Variants in EXOC4 observed in about 807,000 individuals in gnomAD.
EXOC4 encodes the protein exocyst complex component 4.
In EXOC4, 71 loss-of-function variants were observed where a neutral mutation model predicts 107.2. The observed-to-expected ratio is 0.66, with a 90% CI of 0.55 to 0.81. The LOEUF is 0.81. EXOC4 is among the 30% of genes least tolerant of loss of function. EXOC4 has a pLI of 0.00. For synonymous variants in EXOC4, 456 were observed against 441.2 expected (o/e 1.03, Z -0.42); for missense variants, 1,108 against 1,189.6 (o/e 0.93, Z 1.01).
At chr7:133,830,100 C>T (rs1797778392) in intron 11 of EXOC4, among the ~76,000 whole-genome samples, 1 of 152,194 alleles carries the variant, frequency 6.6e-6, no homozygotes, top group African/African-American at 2.4e-5. Flanking sequence ...CAGATAACTA[C>T]ACTTAAATGA....
chr7:133,848,758 C>T (rs899587672), intron 11 of EXOC4, among the ~76,000 whole-genome samples: 1 of 151,564 alleles, frequency 6.6e-6, no homozygotes, highest in Non-Finnish European at 1.5e-5. Context: ...TTGTCTGGAC[C>T]ATCATTTAAA....
intron 4 of EXOC4, among the ~76,000 whole-genome samples, chr7:133,316,567 T>G (rs1272149520): frequency 6.6e-6 from 1 of 152,220 alleles, no homozygotes; most frequent in Non-Finnish European, 1.5e-5. Context: ...AATTTTGTTT[T>G]TTATAGTTTT....
At chr7:133,702,238 A>T (rs150990940) in intron 10 of EXOC4, among the ~76,000 whole-genome samples, 3 of 150,384 alleles carry the variant, frequency 2.0e-5, no homozygotes, top group Admixed American at 1.3e-4. Context: ...TGTTCGGGGT[A>T]TCTAAGCAGC....
rs1430882317 is a variant in EXOC4, at chr7:133,724,486, G to A, written c.1515-92839G>A. On this transcript the variant is annotated intron_variant, in intron 10 of 17. Transcript: ENST00000253861. ...TTATTTTTTTCAACAGATATTTATT[G>A]AGCATCTACTGTGTACATTATATTG... 2.6e-5 allele frequency among the ~76,000 whole-genome samples: 4 copies of A among 152,056 alleles called. No individual in the cohort carries two copies. The East Asian group carries it at 7.7e-4, about 29-fold the overall frequency.
intron 9 of EXOC4, among the ~76,000 whole-genome samples, chr7:133,599,572 T>A (rs1205923319): frequency 6.6e-6 from 1 of 152,228 alleles, no homozygotes; most frequent in Non-Finnish European, 1.5e-5. Flanking sequence ...TATCATTGCC[T>A]CTTTGATGAC....
chr7:133,787,819 C>G (rs964153886), intron 10 of EXOC4, among the ~76,000 whole-genome samples: 3 of 150,906 alleles, frequency 2.0e-5, no homozygotes, highest in Middle Eastern at 3.2e-3. Context: ...TACTCTCACA[C>G]TGGGGGTTTG....
At chr7:133,667,505 A>T (rs1407348087) in intron 10 of EXOC4, among the ~76,000 whole-genome samples, 1 of 152,214 alleles carries the variant, frequency 6.6e-6, no homozygotes, top group Non-Finnish European at 1.5e-5. Flanking sequence ...GCTGGGAAGC[A>T]TTAGCTAATG....
At chr7:133,909,456 A>C (rs1042474729) in intron 12 of EXOC4, among the ~76,000 whole-genome samples, 4 of 152,226 alleles carry the variant, frequency 2.6e-5, no homozygotes, top group African/African-American at 9.6e-5. Flanking sequence ...AGAAGGAGCC[A>C]TGTGGAAATG....
chr7:133,685,743 T>G (rs749925933), intron 10 of EXOC4, among the ~76,000 whole-genome samples: 7 of 152,136 alleles, frequency 4.6e-5, no homozygotes, highest in Non-Finnish European at 1.0e-4. Context: ...ATTTAAAAAT[T>G]TCTATAAATT....
chr7:133,485,543 C>G (rs984950603), intron 9 of EXOC4, among the ~76,000 whole-genome samples: 1 of 151,998 alleles, frequency 6.6e-6, no homozygotes, highest in African/African-American at 2.4e-5. Context: ...TTCTAGCATC[C>G]CGTCTCCCTA....
intron 10 of EXOC4, among the ~76,000 whole-genome samples, chr7:133,637,817 A>G (rs981982576): frequency 5.3e-5 from 8 of 152,120 alleles, no homozygotes; most frequent in Non-Finnish European, 7.4e-5. Flanking sequence ...ATTTCATTCT[A>G]AACTTTTTTT....
chr7:133,365,020 C>T (rs1157659611), intron 6 of EXOC4, among the ~76,000 whole-genome samples: 1 of 152,104 alleles, frequency 6.6e-6, no homozygotes, highest in Non-Finnish European at 1.5e-5. Flanking sequence ...ACTAAATATC[C>T]ATTTTCCTGC....
chr7:133,361,503 A>C (rs1054265108), intron 6 of EXOC4, among the ~76,000 whole-genome samples: 1 of 152,136 alleles, frequency 6.6e-6, no homozygotes, highest in African/African-American at 2.4e-5. Flanking sequence ...GATGGTCTCC[A>C]TCTCCTGACC....
At chr7:133,295,133 C>T (rs1283994912) in intron 3 of EXOC4, among the ~76,000 whole-genome samples, 1 of 151,954 alleles carries the variant, frequency 6.6e-6, no homozygotes, top group Non-Finnish European at 1.5e-5. Flanking sequence ...TCAAAAACTG[C>T]CTTTGAGGTG....
At position 133,779,961 on chromosome 7, in the gene EXOC4, G is replaced by A. The variant is rs192835538; in HGVS notation, c.1515-37364G>A. ...CTTTAAGAGCTGTAACACTCACCAC[G>A]AAGGTTGGCAGCTCCATTCTTTAAG... On this transcript the variant is annotated intron_variant, in intron 10 of 17. Coordinates refer to ENST00000253861, the MANE Select transcript of EXOC4 (RefSeq NM_021807.4). Among the ~76,000 whole-genome samples the A allele has an allele frequency of 5.6e-4, 86 of 152,222 alleles. 1 individual carries two copies. The highest frequency in any genetic ancestry group is 3.1e-3 in the Admixed American group (48 of 15,288).
intron 9 of EXOC4, among the ~76,000 whole-genome samples, chr7:133,512,015 T>C (rs1464492314): frequency 1.3e-5 from 2 of 152,190 alleles, no homozygotes; most frequent in Non-Finnish European, 2.9e-5. Flanking sequence ...CAGATGTCGA[T>C]GAGACAAAAT....
the EXOC4 span, among the ~76,000 whole-genome samples, chr7:134,084,040 C>T: frequency 1.3e-5 from 2 of 152,184 alleles, no homozygotes; most frequent in Non-Finnish European, 2.9e-5. Flanking sequence ...ATCCCTTATG[C>T]TATCACTCTA....
Position 133,373,264 on chromosome 7 carries a change from C to G in EXOC4, c.1008-1564C>G, listed in dbSNP as rs151043519. Among the ~76,000 whole-genome samples the G allele has an allele frequency of 2.0e-5, 3 of 152,194 alleles. No individual in the cohort carries two copies. In the East Asian group the frequency reaches 5.8e-4, roughly 29 times the overall value. Reference sequence around the variant, plus strand: ...ATATTTGAGTAGTTCTTCAGTAACACAGATGAGAAAGAAGAATTATTTTAG... The same window carrying G: ...ATATTTGAGTAGTTCTTCAGTAACAGAGATGAGAAAGAAGAATTATTTTAG... On this transcript the variant is annotated intron_variant, in intron 6 of 17. Coordinates refer to ENST00000253861, the MANE Select transcript of EXOC4 (RefSeq NM_021807.4).
intron 17 of EXOC4, among the ~76,000 whole-genome samples, chr7:134,063,127 C>T (rs369718124): frequency 6.2e-4 from 95 of 152,300 alleles, no homozygotes; most frequent in African/African-American, 2.2e-3. Flanking sequence ...AGAGGCTCTA[C>T]CCTGTGGCTT....
Sources: allele counts gnomAD v4.1 joint callset (sites outside exome capture counted in the v4.1 genomes callset), GRCh38; gene constraint gnomAD v4.1.1; transcripts MANE v1.5; gene names NCBI Gene and HGNC (gene_info 2026-07-23, HGNC 2026-07-21).